The following PTPRH variants were observed in gnomAD, a reference collection of about 807,000 sequenced individuals.
PTPRH encodes the protein protein tyrosine phosphatase receptor type H.
A neutral mutation model predicts 130.2 loss-of-function variants in PTPRH; 113 were observed. The ratio of observed to expected loss-of-function variants is 0.87; its 90% CI spans 0.75 to 1.01. The LOEUF is 1.01. Among genes scored for constraint, PTPRH ranks in the 50% least tolerant of loss-of-function variants. The probability of loss-of-function intolerance (pLI) is 0.00; values close to 1 mark genes in which losing one functional copy is unlikely to be tolerated. For synonymous variants in PTPRH, 556 were observed against 577.9 expected (o/e 0.96, Z 0.54); for missense variants, 1,430 against 1,425.0 (o/e 1.00, Z -0.06).
At chr19:55,198,049 C>T (rs1040670017) in intron 8 of PTPRH, among the ~76,000 whole-genome samples, 1 of 152,034 alleles carries the variant, frequency 6.6e-6, no homozygotes, top group Non-Finnish European at 1.5e-5. Flanking sequence ...CCTCTCTCTA[C>T]AAAAAATATT....
At chr19:55,191,960 C>T in intron 10 of PTPRH, 3 of 412,412 alleles carry the variant, frequency 7.3e-6, no homozygotes, top group Non-Finnish European at 8.1e-6. Flanking sequence ...CCTCTCCTAC[C>T]TCCTCCTCCT....
chr19:55,187,969 T>C (rs1599991422), intron 13 of PTPRH, 109 bp downstream of exon 13: 2 of 727,718 alleles, frequency 2.7e-6, no homozygotes, highest in East Asian at 2.6e-5. Context: ...ACATATGTGA[T>C]GCTACTTTTG....
At chr19:55,190,308 T>G (rs2086487480) in intron 12 of PTPRH, among the ~76,000 whole-genome samples, 1 of 147,612 alleles carries the variant, frequency 6.8e-6, no homozygotes, top group Non-Finnish European at 1.5e-5. Context: ...AGGCGGAGGT[T>G]GCGGTGAGCC....
At chr19:55,197,554 A>G (rs1232709527) in intron 8 of PTPRH, 138 bp from the exon 9 acceptor site, 13 of 798,656 alleles carry the variant, frequency 1.6e-5, no homozygotes, top group East Asian at 1.3e-4. Flanking sequence ...ACCACAGGAA[A>G]GAGTCTAGAT....
rs138002867 is a variant in PTPRH at position 55,197,544 on chromosome 19, A to T, written c.1691-128T>A. 234 of 870,224 alleles carry T rather than the reference A, an allele frequency of 2.7e-4. 1 individual carries two copies. The East Asian group carries it at 4.7e-3, about 18-fold the overall frequency. 53.9% of individuals were successfully genotyped at this position (870,224 alleles called of 1,614,324 possible). Reference sequence around the variant, plus strand: ...TGGCTCCAGTGGCTAAGGAGGCTGAACCACAGGAAAGAGTCTAGATACCCA... The same window carrying T: ...TGGCTCCAGTGGCTAAGGAGGCTGATCCACAGGAAAGAGTCTAGATACCCA... On this transcript the variant is annotated intron_variant, in intron 8 of 19. Transcript: ENST00000376350.
chr19:55,205,725 G>C, intron 3 of PTPRH, 133 bp from the exon 4 acceptor site: 1 of 1,336,026 alleles, frequency 7.5e-7, no homozygotes, highest in Non-Finnish European at 1.0e-6. Flanking sequence ...TGGCAGCCAC[G>C]AGTTCCACGT....
chr19:55,183,860 A>G (rs558531140), intron 18 of PTPRH, among the ~76,000 whole-genome samples: 12 of 152,188 alleles, frequency 7.9e-5, no homozygotes, highest in Non-Finnish European at 1.6e-4. Flanking sequence ...GTCTCTCCCT[A>G]TTGCCTGTCA....
chr19:55,202,624 TACAC>T (rs1042786810), intron 5 of PTPRH, among the ~76,000 whole-genome samples: 1 of 151,860 alleles, frequency 6.6e-6, no homozygotes, highest in African/African-American at 2.4e-5. Flanking sequence ...TATATACACA[TACAC>T]ATATATATAC....
intron 8 of PTPRH, among the ~76,000 whole-genome samples, chr19:55,197,845 C>T (rs758898804): frequency 1.3e-5 from 2 of 152,174 alleles, no homozygotes; most frequent in Non-Finnish European, 2.9e-5. Context: ...TGTCTTCTCA[C>T]TCTAGACACA....
At chr19:55,200,998 G>A (rs2086847761) in intron 6 of PTPRH, among the ~76,000 whole-genome samples, 1 of 151,898 alleles carries the variant, frequency 6.6e-6, no homozygotes, top group South Asian at 2.1e-4. Context: ...CAATGGAATA[G>A]CATTAAGAGG....
At chr19:55,199,275 C>T (rs1443003934) in intron 7 of PTPRH, among the ~76,000 whole-genome samples, 2 of 152,034 alleles carry the variant, frequency 1.3e-5, no homozygotes, top group Non-Finnish European at 2.9e-5. Context: ...CCTCTGCACT[C>T]CAGCCTGGGA....
chr19:55,193,068 A>C (rs1253152095), intron 10 of PTPRH, among the ~76,000 whole-genome samples: 1 of 151,562 alleles, frequency 6.6e-6, no homozygotes, highest in Non-Finnish European at 1.5e-5. Flanking sequence ...GTCTCTACTA[A>C]AAAAACAAAA....
chr19:55,183,239 CA>C (rs765527438), intron 18 of PTPRH, among the ~76,000 whole-genome samples: 2,601 of 121,674 alleles, frequency 0.021, 57 homozygotes, highest in African/African-American at 0.063. Flanking sequence ...ACTAAAGTAC[CA>C]AAAAAAAAAA....
Position 55,187,568 on chromosome 19 carries a change from C to G in PTPRH, c.2511G>C (p.Met837Ile). ...LSLVGHSQSQ[M>I]VASASENNAK... Reference sequence around the variant, plus strand: ...CGTTGTTCTCTGAAGCCGAAGCCACCATCTGAGACTGGCTGTGGCCCACCA... The same window carrying G: ...CGTTGTTCTCTGAAGCCGAAGCCACGATCTGAGACTGGCTGTGGCCCACCA... The change falls in exon 14 of 20, where the codon ATG becomes ATC. Residue 837 changes from methionine to isoleucine, a missense_variant. Physicochemically the swap from Met to Ile is conservative, Grantham distance 10 (BLOSUM62 1). Coordinates refer to ENST00000376350, the MANE Select transcript of PTPRH (RefSeq NM_002842.5). 1.2e-6 allele frequency: 2 copies of G among 1,613,342 alleles called. No homozygotes were observed. Among genetic ancestry groups the G allele is most frequent in the African/African-American group, 1.3e-5 (1 of 74,872 alleles).
Position 55,186,514 on chromosome 19 carries a change from G to T in PTPRH, c.2593C>A (p.Pro865Thr). 2 of 1,513,186 alleles carry T rather than the reference G, an allele frequency of 1.3e-6. No individual in the cohort carries two copies. Among genetic ancestry groups the T allele is most frequent in the Non-Finnish European group, 1.8e-6 (2 of 1,136,770 alleles). 93.7% of individuals were successfully genotyped at this position (1,513,186 alleles called of 1,614,324 possible). The change falls in exon 15 of 20, where the codon CCC becomes ACC. Residue 865 changes from proline (P) to threonine (T), a missense_variant. Physicochemically the swap from Pro to Thr is conservative, Grantham distance 38. Coordinates refer to ENST00000376350, the MANE Select transcript of PTPRH (RefSeq NM_002842.5). ...TCAGAGCCTGGCTCCTCATGGATGG[G>T]CTTCAGGGGCACCCGGGACCAGTCA... The part of the protein sequence containing the change: ...PYDWSRVPLK[P>T]IHEEPGSDYI...
At chr19:55,189,065 A>C (rs899457449) in intron 12 of PTPRH, among the ~76,000 whole-genome samples, 1 of 152,018 alleles carries the variant, frequency 6.6e-6, no homozygotes, top group African/African-American at 2.4e-5. Flanking sequence ...AGCTCACTGC[A>C]ACCTCAGCCT....
Position 55,197,259 on chromosome 19 carries a change from C to T in PTPRH, c.1848G>A (p.Ala616=), listed in dbSNP as rs561329758. The change falls in exon 9 of 20, where the codon GCG becomes GCA. Residue 616 remains alanine, a synonymous_variant. Coordinates refer to ENST00000376350, the MANE Select transcript of PTPRH (RefSeq NM_002842.5). ...TCCTGCTGGTCTGGTTGACCCAATT[C>T]GCTTGGGGATCTTGCCCCCTCCGGG... ...GHPRRGQDPQ[A]NWVNQTSRTN... The T allele has an allele frequency of 9.3e-6, 15 of 1,614,264 alleles. No homozygotes were observed. Among genetic ancestry groups the T allele is most frequent in the Admixed American group, 8.3e-5 (5 of 60,026 alleles).
At chr19:55,191,152 T>C (rs553912138) in intron 12 of PTPRH, among the ~76,000 whole-genome samples, 30 of 152,352 alleles carry the variant, frequency 2.0e-4, no homozygotes, top group Non-Finnish European at 3.7e-4. Context: ...ATCTTGTTTA[T>C]TGATATCTCC....
At chr19:55,195,325 C>CAAAAAATAAAAAAT (rs140017534) in intron 10 of PTPRH, among the ~76,000 whole-genome samples, 3 of 149,430 alleles carry the variant, frequency 2.0e-5, no homozygotes, top group Admixed American at 1.4e-4. Flanking sequence ...AACTCCGCCT[C>CAAAAAATAAAAAAT]AAAAAATAAA....
Sources: allele counts gnomAD v4.1 joint callset (sites outside exome capture counted in the v4.1 genomes callset), GRCh38; gene constraint gnomAD v4.1.1; transcripts MANE v1.5; gene names NCBI Gene and HGNC (gene_info 2026-07-23, HGNC 2026-07-21).